The following CCDC146 variants were observed in gnomAD, a reference collection of about 807,000 sequenced individuals.
CCDC146 encodes the protein coiled-coil domain containing 146.
Under a neutral mutation model 119.3 loss-of-function variants are expected in CCDC146, and 92 were observed. That is an observed-to-expected ratio of 0.77 (90% CI 0.65 to 0.92). The LOEUF (loss-of-function observed/expected upper bound fraction) is 0.92. Ranked by LOEUF, CCDC146 falls within the 40% of genes least tolerant of loss-of-function variation. CCDC146 has a pLI of 0.00. For missense variants in CCDC146, 1,000 were observed against 1,103.0 expected (o/e 0.91, Z 1.32); for synonymous variants, 372 against 371.8 (o/e 1.00, Z -0.01).
intron 2 of CCDC146, chr7:77,199,487 C>G (rs1791942765): frequency 6.2e-7 from 1 of 1,613,990 alleles, no homozygotes; most frequent in South Asian, 1.1e-5. Context: ...TTGTCATCAG[C>G]CTGCAGCTTG....
chr7:77,280,627 A>T lies in CCDC146; in HGVS notation c.1893A>T (p.Glu631Asp). 6.2e-7 allele frequency: 1 copy of T among 1,613,378 alleles called. No individual in the cohort carries two copies. The highest frequency in any genetic ancestry group is 8.5e-7 in the Non-Finnish European group (1 of 1,179,638). ...TGGTGCAGCTTCGCAAAAGATACGA[A>T]AAAGCTGTTCAGCATCGAAATGAAA... ...EEMVQLRKRY[E>D]KAVQHRNESG... The change falls in exon 14 of 19, where the codon GAA (glutamate) becomes GAT (aspartate). Residue 631 changes from glutamate to aspartate, a missense_variant. Physicochemically the swap from Glu to Asp is conservative, Grantham distance 45. Coordinates refer to ENST00000285871, the MANE Select transcript of CCDC146 (RefSeq NM_020879.3).
At chr7:77,221,153 T>A (rs999656166) in intron 2 of CCDC146, among the ~76,000 whole-genome samples, 2 of 152,206 alleles carry the variant, frequency 1.3e-5, no homozygotes, top group East Asian at 3.9e-4. Context: ...ATACCATTCA[T>A]AAAGGATCCA....
At chr7:77,153,486 T>A (rs1286424177) in intron 1 of CCDC146, among the ~76,000 whole-genome samples, 1 of 149,298 alleles carries the variant, frequency 6.7e-6, no homozygotes, top group East Asian at 2.0e-4. Context: ...TAGCAAAGCA[T>A]CTGAACAAAC....
intron 17 of CCDC146, among the ~76,000 whole-genome samples, chr7:77,290,444 C>A (rs1793924425): frequency 6.6e-6 from 1 of 151,960 alleles, no homozygotes; most frequent in Non-Finnish European, 1.5e-5. Context: ...AATGACTCCC[C>A]CCAAAGATAA....
At chr7:77,236,483 C>A (rs1023159320) in intron 2 of CCDC146, among the ~76,000 whole-genome samples, 5 of 152,142 alleles carry the variant, frequency 3.3e-5, no homozygotes, top group Non-Finnish European at 5.9e-5. Context: ...AATCATTTTT[C>A]TAAACTTTAG....
chr7:77,243,365 A>C (rs936635094), intron 4 of CCDC146, among the ~76,000 whole-genome samples: 2 of 152,242 alleles, frequency 1.3e-5, no homozygotes, highest in East Asian at 3.8e-4. Flanking sequence ...TTTTGAATTT[A>C]TAATGTATCA....
chr7:77,285,419 A>C (rs1011291052), intron 15 of CCDC146, among the ~76,000 whole-genome samples: 7 of 152,244 alleles, frequency 4.6e-5, no homozygotes, highest in Non-Finnish European at 7.3e-5. Flanking sequence ...AAAAAGAAAA[A>C]TGTTAAATTA....
At chr7:77,163,851 CTTTTTTTTCTTTT>C (rs1791300427) in intron 1 of CCDC146, among the ~76,000 whole-genome samples, 1 of 140,904 alleles carries the variant, frequency 7.1e-6, no homozygotes, top group Admixed American at 7.2e-5. Flanking sequence ...TTCTTTCTTT[CTTTTTTTTCTTTT>C]TTTTTTTTTT....
chr7:77,195,647 A>C (rs1307438660), intron 2 of CCDC146: 1 of 152,000 alleles, frequency 6.6e-6, no homozygotes, highest in Non-Finnish European at 1.5e-5. Flanking sequence ...AATCCAGCCT[A>C]CTGAATAAAT....
chr7:77,260,950 T>C (rs929914139), intron 8 of CCDC146, among the ~76,000 whole-genome samples: 6 of 152,180 alleles, frequency 3.9e-5, no homozygotes, highest in African/African-American at 1.4e-4. Context: ...TTAAGTAAAA[T>C]TTCAAGGAAA....
chr7:77,238,058 G>A (rs1584100871), intron 3 of CCDC146, among the ~76,000 whole-genome samples: 2 of 152,140 alleles, frequency 1.3e-5, no homozygotes, highest in African/African-American at 4.8e-5. Flanking sequence ...AAAGCATGAG[G>A]GAAGAGTGAA....
chr7:77,233,104 T>TTC (rs1304195753), intron 2 of CCDC146, among the ~76,000 whole-genome samples: 2 of 151,442 alleles, frequency 1.3e-5, no homozygotes, highest in Non-Finnish European at 2.9e-5. Flanking sequence ...GTTTTTTTTT[T>TTC]TTTAGACGGA....
At chr7:77,289,773 G>A (rs946630024) in intron 17 of CCDC146, among the ~76,000 whole-genome samples, 10 of 152,182 alleles carry the variant, frequency 6.6e-5, no homozygotes, top group Non-Finnish European at 2.9e-5. Context: ...TTAAGACTTG[G>A]AGCAACCCAG....
chr7:77,207,000 T>C (rs191089123), intron 2 of CCDC146, among the ~76,000 whole-genome samples: 1 of 152,160 alleles, frequency 6.6e-6, no homozygotes, highest in African/African-American at 2.4e-5. Context: ...TTCTTTTTTT[T>C]AAAGATTCTT....
intron 9 of CCDC146, among the ~76,000 whole-genome samples, chr7:77,266,235 A>G (rs909310386): frequency 3.3e-5 from 5 of 152,232 alleles, no homozygotes; most frequent in African/African-American, 1.2e-4. Flanking sequence ...GACACTTTCT[A>G]TATACTGTAA....
intron 2 of CCDC146, among the ~76,000 whole-genome samples, chr7:77,173,938 G>A (rs1037826635): frequency 3.3e-4 from 50 of 152,072 alleles, no homozygotes; most frequent in African/African-American, 1.2e-3. Context: ...TCTCCCAATC[G>A]TCTTTATTCT....
At chr7:77,251,091 G>A (rs1014193392) in intron 4 of CCDC146, among the ~76,000 whole-genome samples, 11 of 150,116 alleles carry the variant, frequency 7.3e-5, no homozygotes, top group African/African-American at 2.4e-4. Context: ...GCACAATCTC[G>A]GCTCACTGCA....
chr7:77,204,236 A>G (rs551453501), intron 2 of CCDC146, among the ~76,000 whole-genome samples: 7 of 152,196 alleles, frequency 4.6e-5, no homozygotes, highest in Non-Finnish European at 8.8e-5. Flanking sequence ...CACTTTTTAA[A>G]CTACTTAATT....
chr7:77,229,922 A>T lies in CCDC146; in HGVS notation c.157-7025A>T, dbSNP rs143549942. ...AGAATATTTCCGTGACACCAAAGAA[A>T]CCTTGTGCCCATTAAAAGTCATTCC... On this transcript the variant is annotated intron_variant, in intron 2 of 18. Coordinates refer to ENST00000285871, the MANE Select transcript of CCDC146 (RefSeq NM_020879.3). 3.4e-3 allele frequency among the ~76,000 whole-genome samples: 518 copies of T among 152,302 alleles called. 5 individuals carry two copies. The highest frequency in any genetic ancestry group is 5.5e-3 in the African/African-American group (227 of 41,558).
Sources: allele counts gnomAD v4.1 joint callset (sites outside exome capture counted in the v4.1 genomes callset), GRCh38; gene constraint gnomAD v4.1.1; transcripts MANE v1.5; gene names NCBI Gene and HGNC (gene_info 2026-07-23, HGNC 2026-07-21).